Variants in CTIF observed in about 807,000 individuals in gnomAD.
CTIF encodes the protein cap binding complex dependent translation initiation factor, also known as CBP80/20-dependent translation initiation factor.
A neutral mutation model predicts 66.0 loss-of-function variants in CTIF; 21 were observed. The observed-to-expected ratio is 0.32, with a 90% CI of 0.23 to 0.46. The LOEUF (loss-of-function observed/expected upper bound fraction) is 0.46. Among genes scored for constraint, CTIF ranks in the 20% least tolerant of loss-of-function variants. The pLI is 1.00. For missense variants in CTIF, 739 were observed against 812.7 expected (o/e 0.91, Z 1.10); for synonymous variants, 345 against 326.4 (o/e 1.06, Z -0.62).
At chr18:48,760,585 C>G (rs1908885154) in intron 8 of CTIF, 1 of 152,154 alleles carries the variant, frequency 6.6e-6, no homozygotes, top group Non-Finnish European at 1.5e-5. Flanking sequence ...CTGACCCTGC[C>G]CTTCCAGCCA....
intron 6 of CTIF, among the ~76,000 whole-genome samples, chr18:48,676,479 C>A (rs374031395): frequency 6.6e-6 from 1 of 152,280 alleles, no homozygotes; most frequent in Admixed American, 6.5e-5. Flanking sequence ...GTCTGTTGGC[C>A]GTTAATCATT....
At chr18:48,775,027 C>G (rs1599021364) in intron 9 of CTIF, among the ~76,000 whole-genome samples, 1 of 152,132 alleles carries the variant, frequency 6.6e-6, no homozygotes, top group Non-Finnish European at 1.5e-5. Context: ...GCACAGTCAC[C>G]TGGAATCAGC....
At chr18:48,831,858 G>C (rs1183387194) in intron 10 of CTIF, among the ~76,000 whole-genome samples, 1 of 152,214 alleles carries the variant, frequency 6.6e-6, no homozygotes, top group Non-Finnish European at 1.5e-5. Flanking sequence ...AATCCAGTCT[G>C]TAGTTTACAC....
chr18:48,766,311 C>G (rs1190820523), intron 9 of CTIF, among the ~76,000 whole-genome samples: 1 of 151,978 alleles, frequency 6.6e-6, no homozygotes, highest in Admixed American at 6.6e-5. Context: ...GTCCAGGGAC[C>G]ACAGTGGGAA....
chr18:48,567,756 T>C (rs560152981), intron 1 of CTIF: 3 of 152,142 alleles, frequency 2.0e-5, no homozygotes, highest in African/African-American at 4.8e-5. Flanking sequence ...CACAGTGGGG[T>C]TGGCAATGAG....
intron 7 of CTIF, among the ~76,000 whole-genome samples, chr18:48,736,533 C>T (rs987244648): frequency 2.0e-5 from 3 of 152,212 alleles, no homozygotes; most frequent in African/African-American, 7.2e-5. Flanking sequence ...CTATCCTGTT[C>T]CTCCGATGAT....
chr18:48,795,397 A>G (rs1283506868), intron 9 of CTIF, among the ~76,000 whole-genome samples: 1 of 152,186 alleles, frequency 6.6e-6, no homozygotes, highest in Non-Finnish European at 1.5e-5. Flanking sequence ...AAAATGGGCC[A>G]TCTCATGGGC....
At chr18:48,705,370 C>T (rs1174839521) in intron 6 of CTIF, among the ~76,000 whole-genome samples, 3 of 152,210 alleles carry the variant, frequency 2.0e-5, no homozygotes, top group African/African-American at 7.2e-5. Flanking sequence ...TGTGTCTCCT[C>T]CATCTTTCTG....
chr18:48,827,786 C>T (rs574590335), intron 10 of CTIF, among the ~76,000 whole-genome samples: 273 of 152,296 alleles, frequency 1.8e-3, no homozygotes, highest in African/African-American at 6.3e-3. Context: ...CTGTAACCTC[C>T]GCCGAAATAA....
chr18:48,703,357 C>T (rs922209735), intron 6 of CTIF, among the ~76,000 whole-genome samples: 1 of 152,136 alleles, frequency 6.6e-6, no homozygotes, highest in Non-Finnish European at 1.5e-5. Context: ...CCGGTGTGGC[C>T]ACCTCCTGCC....
intron 9 of CTIF, among the ~76,000 whole-genome samples, chr18:48,788,666 A>G (rs960319849): frequency 1.3e-5 from 2 of 152,184 alleles, no homozygotes; most frequent in Non-Finnish European, 2.9e-5. Context: ...CTTTGAAGAT[A>G]AGATTCCTAA....
intron 1 of CTIF, chr18:48,566,364 A>G (rs1219748568): frequency 1.3e-5 from 2 of 152,274 alleles, no homozygotes; most frequent in African/African-American, 4.8e-5. Context: ...AGACAAGACC[A>G]TGACACAGGT....
At chr18:48,710,088 C>G (rs1164232012) in intron 6 of CTIF, among the ~76,000 whole-genome samples, 1 of 152,236 alleles carries the variant, frequency 6.6e-6, no homozygotes, top group Admixed American at 6.5e-5. Context: ...TGGTCAGTTT[C>G]CCCCATGAGC....
At chr18:48,709,491 C>A (rs2092199438) in intron 6 of CTIF, among the ~76,000 whole-genome samples, 1 of 152,250 alleles carries the variant, frequency 6.6e-6, no homozygotes, top group South Asian at 2.1e-4. Context: ...AGGCTGGCAC[C>A]CCCTGGGCTC....
chr18:48,857,656 T>G lies in CTIF; in HGVS notation c.1581+15T>G, dbSNP rs912279882. ...GCTCTATGGAGGTAAGCTTTGGGGC[T>G]TCGACATCCCCAACCTCAAAGCCGG... is the stretch of plus-strand genomic sequence containing the variant. On this transcript the variant is annotated intron_variant, in intron 11 of 11. Transcript: ENST00000256413. 1.9e-6 allele frequency: 3 copies of G among 1,599,088 alleles called. No homozygotes were observed. The highest frequency in any genetic ancestry group is 2.6e-6 in the Non-Finnish European group (3 of 1,172,726).
chr18:48,541,454 C>A (rs963629206), intron 1 of CTIF, among the ~76,000 whole-genome samples: 8 of 152,232 alleles, frequency 5.3e-5, no homozygotes, highest in African/African-American at 1.9e-4. Flanking sequence ...GCCGGCTGTC[C>A]GTTCCCAGTT....
intron 8 of CTIF, among the ~76,000 whole-genome samples, chr18:48,759,593 T>C (rs1205287513): frequency 4.6e-5 from 7 of 152,228 alleles, no homozygotes. Flanking sequence ...TTTGACTGGA[T>C]GGGTGGTCTT....
rs149817987 is a variant in CTIF at position 48,596,350 on chromosome 18, C to T, written c.-28-23188C>T. On this transcript the variant is annotated intron_variant, in intron 1 of 11. Transcript: ENST00000256413. The stretch of plus-strand genomic sequence containing the variant: ...TTGACCGCTATCTTCAAAGTTGTCT[C>T]ATGGCCCAAGAGAGTTGCTGGAACT... Among the ~76,000 whole-genome samples, 418 of 152,348 alleles carry T rather than the reference C, an allele frequency of 2.7e-3. 4 individuals carry two copies. Among genetic ancestry groups the T allele is most frequent in the South Asian group, 0.026 (127 of 4,826 alleles).
chr18:48,608,153 C>T (rs910786806), intron 1 of CTIF, among the ~76,000 whole-genome samples: 11 of 151,898 alleles, frequency 7.2e-5, no homozygotes, highest in East Asian at 5.8e-4. Flanking sequence ...CTGTGAGCAG[C>T]GGGGAGGCAT....
Sources: gnomAD v4.1 joint callset for allele counts (sites outside exome capture counted in the v4.1 genomes callset) on GRCh38, gnomAD v4.1.1 for gene constraint, MANE v1.5 for transcripts, NCBI Gene and HGNC (gene_info 2026-07-23, HGNC 2026-07-21) for gene names.